Variants in NDEL1 observed in about 807,000 individuals in gnomAD.
NDEL1 encodes nudE neurodevelopment protein 1 like 1.
In NDEL1, 9 loss-of-function variants were observed where a neutral mutation model predicts 45.7. The ratio of observed to expected loss-of-function variants is 0.20; its 90% CI spans 0.12 to 0.34. The LOEUF (loss-of-function observed/expected upper bound fraction) is 0.34. NDEL1 is among the 10% of genes least tolerant of loss of function. The pLI, the probability that NDEL1 is intolerant of heterozygous loss-of-function variation, is 1.00. For missense variants in NDEL1, 306 were observed against 406.2 expected (o/e 0.75, Z 2.12); for synonymous variants, 133 against 158.6 (o/e 0.84, Z 1.21).
At chr17:8,428,323 G>GGTGTGTGTGTGT (rs61341198) in intron 1 of NDEL1, among the ~76,000 whole-genome samples, 152 of 62,030 alleles carry the variant, frequency 2.5e-3, no homozygotes, top group East Asian at 3.3e-3. Flanking sequence ...AAGTGTGTGT[G>GGTGTGTGTGTGT]GTGTGTGTGT....
chr17:8,441,324 T>C (rs1909719920), intron 1 of NDEL1, among the ~76,000 whole-genome samples: 2 of 152,066 alleles, frequency 1.3e-5, no homozygotes, highest in South Asian at 2.1e-4. Flanking sequence ...GGTATTATCA[T>C]CAAAGGCTAC....
At chr17:8,463,126 C>T (rs1334848323) in intron 8 of NDEL1, 5 of 480,806 alleles carry the variant, frequency 1.0e-5, no homozygotes, top group Non-Finnish European at 1.9e-5. Context: ...GGAGTGTGGT[C>T]GCTTGGAGTC....
intron 6 of NDEL1, among the ~76,000 whole-genome samples, chr17:8,453,775 G>A (rs188021044): frequency 1.3e-5 from 2 of 152,284 alleles, no homozygotes; most frequent in Admixed American, 1.3e-4. Context: ...TAGTAAATGT[G>A]CAAGAACAGC....
At chr17:8,427,787 C>G (rs1291407549) in intron 1 of NDEL1, among the ~76,000 whole-genome samples, 1 of 152,194 alleles carries the variant, frequency 6.6e-6, no homozygotes, top group Non-Finnish European at 1.5e-5. Flanking sequence ...GTTGAAGGCT[C>G]TGGCATTCTG....
In NDEL1 at chr17:8,463,881, C is replaced by A. The variant is rs570262820; in HGVS notation, c.945-3049C>A. Reference sequence around the variant, plus strand: ...CAGAACTGCTTTGCAGTTTGCAGAGCCTGGGCTGAGAACTGGAGCAGGCTG... The same window carrying A: ...CAGAACTGCTTTGCAGTTTGCAGAGACTGGGCTGAGAACTGGAGCAGGCTG... On this transcript the variant is annotated intron_variant, in intron 8 of 8. Transcript: ENST00000334527. Among the ~76,000 whole-genome samples, 4 of 152,370 alleles carry A rather than the reference C, an allele frequency of 2.6e-5. No homozygotes were observed. The East Asian group carries it at 7.7e-4, about 29-fold the overall frequency.
At chr17:8,449,598 A>T (rs1336626266) in intron 5 of NDEL1, among the ~76,000 whole-genome samples, 1 of 152,204 alleles carries the variant, frequency 6.6e-6, no homozygotes, top group African/African-American at 2.4e-5. Flanking sequence ...TCTATTTTCT[A>T]TGAGTTCAGC....
intron 6 of NDEL1, among the ~76,000 whole-genome samples, chr17:8,453,757 T>C (rs961162936): frequency 1.3e-5 from 2 of 152,198 alleles, no homozygotes; most frequent in African/African-American, 4.8e-5. Context: ...ATTAAAATTA[T>C]TTTGGAATAG....
At position 8,435,928 on chromosome 17, in the gene NDEL1, A is replaced by G; in HGVS notation, c.-130A>G. 4.5e-6 allele frequency: 2 copies of G among 447,200 alleles called. No individual in the cohort carries two copies. Among genetic ancestry groups the G allele is most frequent in the East Asian group, 1.5e-4 (2 of 13,468 alleles). The allele number at this position is 447,200 out of a possible 1,614,324, so 27.7% of individuals were successfully genotyped here. A position where few individuals can be genotyped will look rare whatever the true frequency, so the allele number is the denominator to read the frequency against. On this transcript the variant is annotated 5_prime_UTR_variant, in exon 1 of 9. Coordinates refer to ENST00000334527, the MANE Select transcript of NDEL1 (RefSeq NM_030808.5). ...AGGAGCCGGGCGCGGAGGTACGCTG[A>G]GTGGAGCTCGGGGCTGCGTAGGGGA...
At chr17:8,437,400 G>A (rs546655429) in intron 1 of NDEL1, among the ~76,000 whole-genome samples, 52 of 152,252 alleles carry the variant, frequency 3.4e-4, no homozygotes, top group African/African-American at 1.1e-3. Context: ...CTTAAAATAA[G>A]TAGGAACCTT....
chr17:8,448,353 ATGTAT>A (rs552197719), intron 4 of NDEL1, among the ~76,000 whole-genome samples, 192 bp from the exon 5 acceptor site: 123 of 152,288 alleles, frequency 8.1e-4, no homozygotes, highest in African/African-American at 2.9e-3. Flanking sequence ...ATTTAAAAGA[ATGTAT>A]TGTATATATT....
chr17:8,465,349 T>G lies in NDEL1; in HGVS notation c.945-1581T>G, dbSNP rs1377393169. On this transcript the variant is annotated intron_variant, in intron 8 of 8. Transcript: ENST00000334527. The surrounding 1 kb of genome is among the most constrained non-coding windows in gnomAD (Gnocchi z 4.9). ...AGCTCAAAAATCAGACCTAACCCAG[T>G]GAGGAAAGAGACAATCTGGCTGTTT... is the stretch of plus-strand genomic sequence containing the variant. 6.6e-6 allele frequency: 1 copy of G among 152,260 alleles called. No individual in the cohort carries two copies. Among genetic ancestry groups the G allele is most frequent in the African/African-American group, 2.4e-5 (1 of 41,546 alleles). 9.4% of individuals were successfully genotyped at this position (152,260 alleles called of 1,614,324 possible). A position where few individuals can be genotyped will look rare whatever the true frequency, so the allele number is the denominator to read the frequency against.
At chr17:8,442,864 A>G (rs1422098077) in intron 1 of NDEL1, among the ~76,000 whole-genome samples, 6 of 140,994 alleles carry the variant, frequency 4.3e-5, no homozygotes, top group Non-Finnish European at 3.0e-5. Flanking sequence ...ATCTTGGCTC[A>G]CTGCAAGCTC....
downstream of NDEL1, among the ~76,000 whole-genome samples, chr17:8,469,765 G>A (rs879567625): frequency 3.3e-5 from 5 of 149,432 alleles, no homozygotes; most frequent in Admixed American, 6.7e-5. Flanking sequence ...GTGCAGTGGC[G>A]TGATCTTGGC....
intron 6 of NDEL1, among the ~76,000 whole-genome samples, chr17:8,452,276 C>G (rs1256554569): frequency 6.6e-6 from 1 of 152,188 alleles, no homozygotes; most frequent in Non-Finnish European, 1.5e-5. Context: ...TCTGAAAATC[C>G]TTTAATTGAA....
chr17:8,436,083 C>A, intron 1 of NDEL1, 38 bp downstream of exon 1: 1 of 355,706 alleles, frequency 2.8e-6, no homozygotes, highest in Non-Finnish European at 5.6e-6. Context: ...TAAGGGGCTG[C>A]GCTGGGCCGG....
chr17:8,429,181 G>A (rs1460729031), intron 1 of NDEL1, among the ~76,000 whole-genome samples: 1 of 152,058 alleles, frequency 6.6e-6, no homozygotes, highest in African/African-American at 2.4e-5. Context: ...CTCTGTCTAT[G>A]GTGACTTTTT....
chr17:8,444,262 T>C lies in NDEL1; in HGVS notation c.-10T>C. ...AGTTTGTCTTTAATATTTCACAGGCTTTCTTGATCATGGATGGTGAAGATA... is the reference window on the plus strand; with the variant it reads ...AGTTTGTCTTTAATATTTCACAGGCCTTCTTGATCATGGATGGTGAAGATA... On this transcript the variant is annotated splice_region_variant and 5_prime_UTR_variant, in exon 2 of 9. Coordinates refer to ENST00000334527, the MANE Select transcript of NDEL1 (RefSeq NM_030808.5). The C allele has an allele frequency of 6.3e-7, 1 of 1,593,114 alleles. No individual in the cohort carries two copies.
At chr17:8,457,809 CTT>C (rs1215095662) in intron 7 of NDEL1, among the ~76,000 whole-genome samples, 2 of 95,392 alleles carry the variant, frequency 2.1e-5, no homozygotes, top group South Asian at 1.0e-3. Context: ...ACCCTTAAAT[CTT>C]TATTTCTCCT....
At chr17:8,419,785 T>C (rs537819752) in intron 1 of NDEL1, among the ~76,000 whole-genome samples, 4 of 152,294 alleles carry the variant, frequency 2.6e-5, no homozygotes, top group East Asian at 1.9e-4. Flanking sequence ...GCACTTTCCA[T>C]GTTTGTTGCT....
Sources: allele counts gnomAD v4.1 joint callset (sites outside exome capture counted in the v4.1 genomes callset), GRCh38; gene constraint gnomAD v4.1.1; non-coding constraint Gnocchi (gnomAD v3.1); transcripts MANE v1.5; gene names NCBI Gene and HGNC (gene_info 2026-07-23, HGNC 2026-07-21).